BDKRB2: variants seen among roughly 807,000 people sequenced by gnomAD.
BDKRB2 encodes bradykinin receptor B2, also known as B2 bradykinin receptor.
In BDKRB2, 6 loss-of-function variants were observed where a neutral mutation model predicts 4.0. The ratio of observed to expected loss-of-function variants is 1.49; its 90% CI spans 0.81 to 2.93. The LOEUF is 2.93. Among genes scored for constraint, BDKRB2 ranks in the 30% most tolerant of loss-of-function variants. The pLI is 0.00. For missense variants in BDKRB2, 478 were observed against 520.1 expected (o/e 0.92, Z 0.79); for synonymous variants, 225 against 215.3 (o/e 1.05, Z -0.40).
Position 96,226,446 on chromosome 14 carries a change from G to A in BDKRB2, c.-39-10623G>A, listed in dbSNP as rs1890699765. ...AGGCGGGCGGATTACCTGAGGTCGG[G>A]AGTTCGAGACCAGCCTGACCAACAT... is the stretch of plus-strand genomic sequence containing the variant. On this transcript the variant is annotated intron_variant, in intron 1 of 2. Coordinates refer to ENST00000554311, the MANE Select transcript of BDKRB2 (RefSeq NM_001379692.1). Among the ~76,000 whole-genome samples, 3 of 152,268 alleles carry A rather than the reference G, an allele frequency of 2.0e-5. No homozygotes were observed. In the South Asian group the frequency reaches 6.2e-4, roughly 32 times the overall value.
chr14:96,206,524 G>A (rs142843168), intron 1 of BDKRB2, among the ~76,000 whole-genome samples: 5 of 152,226 alleles, frequency 3.3e-5, no homozygotes, highest in African/African-American at 4.8e-5. Context: ...TTTGCCTGCC[G>A]GTGGGACCCA....
Position 96,241,324 on chromosome 14 carries a change from C to A in BDKRB2, c.996C>A (p.Tyr332Ter). ...ACAGCTGCCTCAACCCACTGGTGTA[C>A]GTGATCGTGGGCAAGCGCTTCCGAA... is the stretch of plus-strand genomic sequence containing the variant. ...YSNSCLNPLV[Y>*]VIVGKRFRKK... is the part of the protein sequence containing the mutation. The change falls in exon 3 of 3, where the codon TAC becomes TAA. Residue 332 changes from tyrosine (Y) to a stop codon, truncating the protein, a stop_gained. Transcript: ENST00000554311. LOFTEE classifies it low-confidence loss of function (END_TRUNC). The A allele has an allele frequency of 6.2e-7, 1 of 1,613,878 alleles. No individual in the cohort carries two copies. The highest frequency in any genetic ancestry group is 8.5e-7 in the Non-Finnish European group (1 of 1,179,878).
rs183245280 is a variant in BDKRB2, at chr14:96,205,555, T to C, written c.-40+596T>C. Among the ~76,000 whole-genome samples, 424 of 152,200 alleles carry C rather than the reference T, an allele frequency of 2.8e-3. 1 individual carries two copies. Among genetic ancestry groups the C allele is most frequent in the African/African-American group, 9.7e-3 (401 of 41,544 alleles). ...GGCAGGTGGTAGTGACTACCTCAGA[T>C]GGGCTTAGAGACCCTCTTCCCACGG... On this transcript the variant is annotated intron_variant, in intron 1 of 2. Transcript: ENST00000554311.
chr14:96,228,217 G>T (rs545063637), intron 1 of BDKRB2, among the ~76,000 whole-genome samples: 1 of 152,228 alleles, frequency 6.6e-6, no homozygotes, highest in Non-Finnish European at 1.5e-5. Context: ...CGGGGCAAGC[G>T]CTTTTGGGCT....
Position 96,241,526 on chromosome 14 carries a change from G to A in BDKRB2, c.*22G>A, listed in dbSNP as rs375469624. 2 of 1,508,552 alleles carry A rather than the reference G, an allele frequency of 1.3e-6. No individual in the cohort carries two copies. The highest frequency in any genetic ancestry group is 1.4e-5 in the African/African-American group (1 of 71,916). 93.4% of individuals were successfully genotyped at this position (1,508,552 alleles called of 1,614,324 possible). ...GTGAGCAAACGCCAGCAGGGCTGCT[G>A]TGAATTTGTGTAAGGATTGAGGGAC... On this transcript the variant is annotated 3_prime_UTR_variant, in exon 3 of 3. Coordinates refer to ENST00000554311, the MANE Select transcript of BDKRB2 (RefSeq NM_001379692.1).
At chr14:96,239,142 C>G (rs972225610) in intron 2 of BDKRB2, 1 of 985,346 alleles carries the variant, frequency 1.0e-6, no homozygotes, top group African/African-American at 1.7e-5. Context: ...AGAAAGAGCC[C>G]CTTTTCCTTC....
At chr14:96,208,707 T>C (rs1355777164) in intron 1 of BDKRB2, among the ~76,000 whole-genome samples, 1 of 152,156 alleles carries the variant, frequency 6.6e-6, no homozygotes, top group Non-Finnish European at 1.5e-5. Context: ...CTGTCCGACA[T>C]GCACACACTC....
Position 96,241,628 on chromosome 14 carries a change from G to C in BDKRB2, c.*124G>C. On this transcript the variant is annotated 3_prime_UTR_variant, in exon 3 of 3. Coordinates refer to ENST00000554311, the MANE Select transcript of BDKRB2 (RefSeq NM_001379692.1). ...CCTTGGGAAATGAGTTGATGTCTCC[G>C]GTAAAACACCGGAGACTAATTCCTG... 1 of 1,401,636 alleles carries C rather than the reference G, an allele frequency of 7.1e-7. No individual in the cohort carries two copies. Among genetic ancestry groups the C allele is most frequent in the Non-Finnish European group, 9.3e-7 (1 of 1,079,136 alleles). 86.8% of individuals were successfully genotyped at this position (1,401,636 alleles called of 1,614,324 possible).
At chr14:96,219,103 A>T (rs1450618435) in intron 1 of BDKRB2, among the ~76,000 whole-genome samples, 3 of 151,982 alleles carry the variant, frequency 2.0e-5, no homozygotes, top group African/African-American at 7.3e-5. Context: ...GGAGTTCAAG[A>T]CCAGCCTGAC....
At chr14:96,235,135 G>C (rs1194733564) in intron 1 of BDKRB2, among the ~76,000 whole-genome samples, 1 of 152,026 alleles carries the variant, frequency 6.6e-6, no homozygotes, top group Non-Finnish European at 1.5e-5. Flanking sequence ...ATTGTTTGAG[G>C]TCAGGAGTTC....
intron 1 of BDKRB2, among the ~76,000 whole-genome samples, chr14:96,223,539 A>T (rs2139780738): frequency 6.6e-6 from 1 of 152,264 alleles, no homozygotes; most frequent in South Asian, 2.1e-4. Context: ...GCCCAGCCAG[A>T]TGAGTGCTCT....
intron 1 of BDKRB2, among the ~76,000 whole-genome samples, chr14:96,221,670 G>A (rs879864261): frequency 4.6e-5 from 7 of 152,066 alleles, no homozygotes; most frequent in African/African-American, 9.7e-5. Flanking sequence ...GTTGGTGCAA[G>A]GGGGCTTGTG....
rs114627619 is a variant in BDKRB2, at chr14:96,221,269, G to A, written c.-39-15800G>A. 3.4e-3 allele frequency among the ~76,000 whole-genome samples: 516 copies of A among 152,272 alleles called. 5 individuals are homozygous for A. Among genetic ancestry groups the A allele is most frequent in the African/African-American group, 0.012 (491 of 41,510 alleles). The stretch of plus-strand genomic sequence containing the variant: ...CTGAAGCTATTATTATTCCCTGGTT[G>A]CTGGCCCAGACTAAGCACTCATAAA... On this transcript the variant is annotated intron_variant, in intron 1 of 2. Transcript: ENST00000554311.
intron 1 of BDKRB2, among the ~76,000 whole-genome samples, chr14:96,236,109 T>C (rs1303869024): frequency 1.3e-5 from 2 of 152,150 alleles, no homozygotes; most frequent in South Asian, 2.1e-4. Flanking sequence ...TGGAAGCCCC[T>C]TGGGCAAAAA....
chr14:96,206,244 G>A (rs1890177035), intron 1 of BDKRB2, among the ~76,000 whole-genome samples: 1 of 152,046 alleles, frequency 6.6e-6, no homozygotes, highest in Admixed American at 6.5e-5. Context: ...GCCAAGAGAA[G>A]GCGTCTTTGG....
chr14:96,224,075 T>A (rs1890639902), intron 1 of BDKRB2, among the ~76,000 whole-genome samples: 1 of 151,382 alleles, frequency 6.6e-6, no homozygotes, highest in Admixed American at 6.6e-5. Flanking sequence ...CCTTAGCTTT[T>A]AGAGAAGAAT....
chr14:96,215,304 T>C (rs1351804670), intron 1 of BDKRB2, among the ~76,000 whole-genome samples: 1 of 152,228 alleles, frequency 6.6e-6, no homozygotes, highest in Non-Finnish European at 1.5e-5. Context: ...GCATCCTTTT[T>C]TCATGTCTGC....
intron 1 of BDKRB2, among the ~76,000 whole-genome samples, chr14:96,230,003 G>A (rs915003339): frequency 1.0e-3 from 156 of 151,912 alleles, no homozygotes; most frequent in African/African-American, 3.5e-3. Context: ...GTGTGGTGGC[G>A]GGCGCCTGTA....
intron 1 of BDKRB2, among the ~76,000 whole-genome samples, chr14:96,206,093 C>G (rs1372811244): frequency 1.3e-5 from 2 of 152,204 alleles, no homozygotes; most frequent in Non-Finnish European, 2.9e-5. Flanking sequence ...CAAAGAGGCC[C>G]TGCCCGAGGT....
Sources: allele counts gnomAD v4.1 joint callset (sites outside exome capture counted in the v4.1 genomes callset), GRCh38; gene constraint gnomAD v4.1.1; transcripts MANE v1.5; gene names NCBI Gene and HGNC (gene_info 2026-07-23, HGNC 2026-07-21).